Variants in CFH observed in about 807,000 individuals in gnomAD.
CFH encodes complement factor H.
A neutral mutation model predicts 147.3 loss-of-function variants in CFH; 53 were observed. The ratio of observed to expected loss-of-function variants is 0.36; its 90% CI spans 0.29 to 0.45. CFH has a LOEUF of 0.45. Among genes scored for constraint, CFH ranks in the 20% least tolerant of loss-of-function variants. The pLI is 1.00. For missense variants in CFH, 1,380 were observed against 1,498.0 expected (o/e 0.92, Z 1.30); for synonymous variants, 536 against 489.4 (o/e 1.10, Z -1.26).
chr1:196,674,594 AT>A (rs34351402), intron 3 of CFH, among the ~76,000 whole-genome samples: 32,621 of 152,052 alleles, frequency 0.21, 4,239 homozygotes, highest in East Asian at 0.36. Context: ...TTGGAGAAAA[AT>A]TTATGTATGG....
intron 5 of CFH, chr1:196,678,469 A>G (rs1003546269): frequency 6.6e-6 from 1 of 151,950 alleles, no homozygotes; most frequent in Non-Finnish European, 1.5e-5. Context: ...AAATATCTAA[A>G]TTATTTTTAC....
chr1:196,743,364 C>T (rs1378231443), intron 19 of CFH, 88 bp from the exon 20 acceptor site: 15 of 1,526,640 alleles, frequency 9.8e-6, no homozygotes, highest in Non-Finnish European at 1.4e-5. Context: ...ATTTTAAATT[C>T]GTCTTGAAAT....
At chr1:196,672,100 ACT>A (rs1215813005) in intron 1 of CFH, among the ~76,000 whole-genome samples, 1 of 151,930 alleles carries the variant, frequency 6.6e-6, no homozygotes, top group Non-Finnish European at 1.5e-5. Flanking sequence ...AGCTACCTAG[ACT>A]CTAGCAAAGC....
At chr1:196,660,348 C>G (rs937239116) in intron 1 of CFH, among the ~76,000 whole-genome samples, 1 of 152,036 alleles carries the variant, frequency 6.6e-6, no homozygotes, top group Non-Finnish European at 1.5e-5. Flanking sequence ...GTGGCAAGAG[C>G]CAGATAAGGG....
At chr1:196,745,707 T>C in intron 20 of CFH, 110 bp from the exon 21 acceptor site, 3 of 1,471,514 alleles carry the variant, frequency 2.0e-6, no homozygotes, top group Non-Finnish European at 2.8e-6. Context: ...TCACCAGAAA[T>C]CACAAAACTG....
At chr1:196,691,620 G>T (rs1558162783) in intron 9 of CFH, among the ~76,000 whole-genome samples, 1 of 151,626 alleles carries the variant, frequency 6.6e-6, no homozygotes, top group Non-Finnish European at 1.5e-5. Flanking sequence ...GAGAGTTTTG[G>T]TATTATTAGT....
intron 3 of CFH, among the ~76,000 whole-genome samples, chr1:196,675,369 T>G (rs764090478): frequency 4.6e-5 from 7 of 152,080 alleles, no homozygotes; most frequent in Admixed American, 6.6e-5. Context: ...ATCTCTACGA[T>G]AGAGATGGAG....
At chr1:196,744,130 T>C (rs1234319730) in intron 20 of CFH, among the ~76,000 whole-genome samples, 4 of 152,100 alleles carry the variant, frequency 2.6e-5, no homozygotes, top group Non-Finnish European at 5.9e-5. Flanking sequence ...AAAAAGGAAA[T>C]TGTATCTTAC....
intron 1 of CFH, among the ~76,000 whole-genome samples, chr1:196,661,964 A>G (rs1392957066): frequency 6.6e-6 from 1 of 152,216 alleles, no homozygotes; most frequent in African/African-American, 2.4e-5. Context: ...TCTGAAATCC[A>G]CAGGGCAGGT....
rs138703996 is a variant in CFH at position 196,696,396 on chromosome 1, A to T, written c.1336+6157A>T. 2.9e-3 allele frequency among the ~76,000 whole-genome samples: 439 copies of T among 152,282 alleles called. 2 individuals are homozygous for T. Among genetic ancestry groups the T allele is most frequent in the East Asian group, 0.021 (107 of 5,168 alleles). On this transcript the variant is annotated intron_variant, in intron 9 of 21. Coordinates refer to ENST00000367429, the MANE Select transcript of CFH (RefSeq NM_000186.4). Reference sequence around the variant, plus strand: ...ATTGAAAGTAAGGCAGAAGTAAATAAGTTCCTTGAAACCAATGAGAAGACA... The same window carrying T: ...ATTGAAAGTAAGGCAGAAGTAAATATGTTCCTTGAAACCAATGAGAAGACA...
At position 196,652,178 on chromosome 1, in the gene CFH, A is replaced by G; in HGVS notation, c.58+3A>G. 3 of 1,597,224 alleles carry G rather than the reference A, an allele frequency of 1.9e-6. No individual in the cohort carries two copies. The East Asian group carries it at 6.7e-5, about 36-fold the overall frequency. On this transcript the variant is annotated splice_donor_region_variant and intron_variant, in intron 1 of 21. Transcript: ENST00000367429. ...ATGGGCTATTTGTGTAGCAGAAGGT[A>G]AGATTAAAAGAGACTCTTTTCTGAA... is the stretch of plus-strand genomic sequence containing the variant.
At chr1:196,717,292 T>C (rs969400301) in intron 11 of CFH, among the ~76,000 whole-genome samples, 15 of 152,218 alleles carry the variant, frequency 9.9e-5, no homozygotes, top group African/African-American at 3.6e-4. Flanking sequence ...ATGTCACATA[T>C]TTACAAACAG....
rs1669421486 is a variant in CFH at position 196,737,016 on chromosome 1, G to A, written c.2596+10G>A. 1 of 1,603,998 alleles carries A rather than the reference G, an allele frequency of 6.2e-7. No homozygotes were observed. The highest frequency in any genetic ancestry group is 1.3e-5 in the African/African-American group (1 of 74,734). On this transcript the variant is annotated intron_variant, in intron 16 of 21. Coordinates refer to ENST00000367429, the MANE Select transcript of CFH (RefSeq NM_000186.4). ...ATACCACTCTGTGTTGGTCAGTAGT[G>A]TATAATTTGTTTTACATAATTCTTT...
intron 7 of CFH, among the ~76,000 whole-genome samples, chr1:196,685,861 A>T (rs1016816788): frequency 6.6e-6 from 1 of 152,102 alleles, no homozygotes; most frequent in African/African-American, 2.4e-5. Context: ...CCACAATACC[A>T]TGTATTAGTG....
At chr1:196,669,753 T>A (rs1171025267) in intron 1 of CFH, among the ~76,000 whole-genome samples, 1 of 152,168 alleles carries the variant, frequency 6.6e-6, no homozygotes, top group Non-Finnish European at 1.5e-5. Context: ...AAATGTAGGA[T>A]TGGAGCCCCC....
chr1:196,745,825 G>A lies in CFH; in HGVS notation c.3319G>A (p.Gly1107Arg). Residue 1107 changes from glycine to arginine, a missense_variant, in exon 21 of 22, where the codon GGA becomes AGA. Physicochemically the swap from Gly to Arg is moderately radical, Grantham distance 125. Coordinates refer to ENST00000367429, the MANE Select transcript of CFH (RefSeq NM_000186.4). ...GAAATGATGTTTTTTAGATTCTACA[G>A]GAAAATGTGGGCCCCCTCCACCTAT... is the stretch of plus-strand genomic sequence containing the variant. The part of the protein sequence containing the change: ...TEPPQCKDST[G>R]KCGPPPPIDN... 6.2e-7 allele frequency: 1 copy of A among 1,614,004 alleles called. No homozygotes were observed. Among genetic ancestry groups the A allele is most frequent in the Non-Finnish European group, 8.5e-7 (1 of 1,179,976 alleles).
At chr1:196,665,976 G>A (rs529825) in intron 1 of CFH, among the ~76,000 whole-genome samples, 60,091 of 152,070 alleles carry the variant, frequency 0.4, 15,059 homozygotes, top group African/African-American at 0.71. Context: ...TACACAGTAC[G>A]ATAGACTTAC....
intron 7 of CFH, among the ~76,000 whole-genome samples, chr1:196,688,623 T>C (rs912754288): frequency 6.6e-6 from 1 of 152,148 alleles, no homozygotes; most frequent in African/African-American, 2.4e-5. Flanking sequence ...CTTATTTATA[T>C]TTTTCGAGAT....
At chr1:196,729,905 T>C (rs1374410271) in intron 15 of CFH, among the ~76,000 whole-genome samples, 1 of 151,926 alleles carries the variant, frequency 6.6e-6, no homozygotes, top group Non-Finnish European at 1.5e-5. Flanking sequence ...CATTATACTT[T>C]GTATTTTTTT....
Sources: gnomAD v4.1 joint callset for allele counts (sites outside exome capture counted in the v4.1 genomes callset) on GRCh38, gnomAD v4.1.1 for gene constraint, MANE v1.5 for transcripts, NCBI Gene and HGNC (gene_info 2026-07-23, HGNC 2026-07-21) for gene names.